ZSCAN5A: variants seen among roughly 807,000 people sequenced by gnomAD.
ZSCAN5A encodes zinc finger and SCAN domain containing 5A, also known as zinc finger and SCAN domain-containing protein 5A.
A neutral mutation model predicts 23.7 loss-of-function variants in ZSCAN5A; 12 were observed. The ratio of observed to expected loss-of-function variants is 0.51; its 90% CI spans 0.32 to 0.82. The LOEUF (loss-of-function observed/expected upper bound fraction) is 0.82. Among genes scored for constraint, ZSCAN5A ranks in the 40% least tolerant of loss-of-function variants. The pLI is 0.03. For synonymous variants in ZSCAN5A, 257 were observed against 239.9 expected, an observed-to-expected ratio of 1.07 and a Z score of -0.66; for missense variants, 597 against 617.9, an observed-to-expected ratio of 0.97 and a Z score of 0.36.
chr19:56,231,996 C>CTTTTTTTTTTTTTTTTTTTTTT (rs59525392), intron 2 of ZSCAN5A, among the ~76,000 whole-genome samples: 1 of 124,986 alleles, frequency 8.0e-6, no homozygotes, highest in African/African-American at 3.0e-5. Flanking sequence ...TTTTTCTTTT[C>CTTTTTTTTTTTTTTTTTTTTTT]TTTTTTTTTG....
chr19:56,249,637 C>T (rs1255976089), intron 2 of ZSCAN5A, among the ~76,000 whole-genome samples: 2 of 152,206 alleles, frequency 1.3e-5, no homozygotes, highest in South Asian at 2.1e-4. Flanking sequence ...TGCACCATTT[C>T]CCCCACTGTT....
intron 2 of ZSCAN5A, among the ~76,000 whole-genome samples, chr19:56,350,920 G>A (rs1173471523): frequency 6.6e-6 from 1 of 151,744 alleles, no homozygotes; most frequent in Admixed American, 6.6e-5. Flanking sequence ...GGTGCTGTGA[G>A]CTGAGCCACA....
chr19:56,321,272 C>A (rs926465872), intron 2 of ZSCAN5A: 5 of 667,830 alleles, frequency 7.5e-6, no homozygotes, highest in Non-Finnish European at 1.4e-5. Flanking sequence ...CAATCATCAT[C>A]TTTTGCCAGG....
chr19:56,279,866 TTTA>T (rs1199210553), intron 2 of ZSCAN5A, among the ~76,000 whole-genome samples: 4 of 152,290 alleles, frequency 2.6e-5, no homozygotes, highest in East Asian at 1.9e-4. Flanking sequence ...GTTAAATTAT[TTTA>T]TTAATATTTC....
chr19:56,343,112 TC>T, intron 2 of ZSCAN5A: 1 of 754,322 alleles, frequency 1.3e-6, no homozygotes, highest in African/African-American at 1.7e-5. Context: ...TATCCAATGA[TC>T]CACAATTTCA....
At chr19:56,347,234 CA>C (rs1414424986) in intron 2 of ZSCAN5A, 2 of 152,158 alleles carry the variant, frequency 1.3e-5, no homozygotes, top group Non-Finnish European at 2.9e-5. Context: ...AGAAATAAAG[CA>C]GGCAAAAAGT....
chr19:56,231,648 A>C (rs1323922042), intron 2 of ZSCAN5A, among the ~76,000 whole-genome samples: 2 of 152,140 alleles, frequency 1.3e-5, no homozygotes, highest in African/African-American at 4.8e-5. Context: ...CTCTCAACAA[A>C]TCCTATACCT....
chr19:56,322,435 C>T, intron 2 of ZSCAN5A: 2 of 587,972 alleles, frequency 3.4e-6, no homozygotes, highest in South Asian at 3.9e-5. Context: ...CCCGCAACCC[C>T]ACCATCAGAG....
chr19:56,232,116 G>A (rs1051299021), intron 2 of ZSCAN5A, among the ~76,000 whole-genome samples: 6 of 150,550 alleles, frequency 4.0e-5, no homozygotes, highest in Admixed American at 2.0e-4. Context: ...GCCCCCCCAG[G>A]TGGCTGGGAC....
chr19:56,285,759 A>C (rs11880422), intron 2 of ZSCAN5A, among the ~76,000 whole-genome samples: 4 of 151,676 alleles, frequency 2.6e-5, no homozygotes, highest in African/African-American at 9.7e-5. Context: ...GATTACAGGC[A>C]TGAGCCATCA....
intron 2 of ZSCAN5A, among the ~76,000 whole-genome samples, chr19:56,287,158 TG>T (rs1252959198): frequency 6.6e-6 from 1 of 152,222 alleles, no homozygotes; most frequent in Non-Finnish European, 1.5e-5. Flanking sequence ...CCATCTTAGG[TG>T]GTGAAACCAC....
chr19:56,254,857 A>G (rs966034819), intron 2 of ZSCAN5A, among the ~76,000 whole-genome samples: 3 of 152,096 alleles, frequency 2.0e-5, no homozygotes, highest in Non-Finnish European at 4.4e-5. Context: ...AGAAATGTCT[A>G]AGTTCTTTGC....
At chr19:56,294,253 G>A (rs1402354137) in intron 2 of ZSCAN5A, among the ~76,000 whole-genome samples, 1 of 152,204 alleles carries the variant, frequency 6.6e-6, no homozygotes, top group Admixed American at 6.5e-5. Flanking sequence ...TGTACTGGGC[G>A]ATTCACGTGG....
chr19:56,318,948 A>G (rs2041345609), upstream of ZSCAN5A, among the ~76,000 whole-genome samples: 1 of 152,218 alleles, frequency 6.6e-6, no homozygotes, highest in Non-Finnish European at 1.5e-5. Context: ...GGCTATTTAA[A>G]GGAGTATCCA....
intron 4 of ZSCAN5A, 96 bp from the exon 5 acceptor site, chr19:56,222,837 T>C: frequency 6.4e-6 from 10 of 1,552,116 alleles, no homozygotes; most frequent in Non-Finnish European, 8.8e-6. Context: ...ACAACTCTTC[T>C]AATGACACAG....
intron 2 of ZSCAN5A, among the ~76,000 whole-genome samples, chr19:56,303,547 A>G (rs1026778964): frequency 5.9e-5 from 9 of 151,826 alleles, no homozygotes; most frequent in Non-Finnish European, 1.3e-4. Flanking sequence ...GACGGAAGGG[A>G]AGGAGGGATG....
At chr19:56,334,992 C>T (rs959161027) in intron 2 of ZSCAN5A, among the ~76,000 whole-genome samples, 3 of 152,100 alleles carry the variant, frequency 2.0e-5, no homozygotes, top group Non-Finnish European at 4.4e-5. Flanking sequence ...TAAAAACAAA[C>T]TTCACTGAGC....
chr19:56,353,435 T>C (rs1408167085), intron 2 of ZSCAN5A, among the ~76,000 whole-genome samples: 1 of 152,174 alleles, frequency 6.6e-6, no homozygotes, highest in Non-Finnish European at 1.5e-5. Context: ...TCCAGTTCCC[T>C]CCCTCCATGT....
chr19:56,246,025 G>A (rs1331057453), intron 2 of ZSCAN5A, among the ~76,000 whole-genome samples: 1 of 152,146 alleles, frequency 6.6e-6, no homozygotes, highest in African/African-American at 2.4e-5. Context: ...CCAGTGTCAG[G>A]GGCAGGGAGA....
Sources: gnomAD v4.1 joint callset for allele counts (sites outside exome capture counted in the v4.1 genomes callset) on GRCh38, gnomAD v4.1.1 for gene constraint, MANE v1.5 for transcripts, NCBI Gene and HGNC (gene_info 2026-07-23, HGNC 2026-07-21) for gene names.